ZNHIT6: variants seen among roughly 807,000 people sequenced by gnomAD.
The protein encoded by ZNHIT6 is zinc finger HIT-type containing 6.
A neutral mutation model predicts 57.2 loss-of-function variants in ZNHIT6; 45 were observed. The observed-to-expected ratio is 0.79, with a 90% CI of 0.62 to 1.01. The LOEUF is 1.01. Among genes scored for constraint, ZNHIT6 ranks in the 50% least tolerant of loss-of-function variants. ZNHIT6 has a pLI of 0.00. For synonymous variants in ZNHIT6, 188 were observed against 190.0 expected (o/e 0.99, Z 0.09); for missense variants, 528 against 567.3 (o/e 0.93, Z 0.70).
At chr1:85,702,579 T>C (rs748120681) in intron 4 of ZNHIT6, among the ~76,000 whole-genome samples, 5 of 152,196 alleles carry the variant, frequency 3.3e-5, no homozygotes, top group Non-Finnish European at 7.3e-5. Context: ...AAGAATTTAA[T>C]GGAGATTAAA....
rs1662693322 is a variant in ZNHIT6, at chr1:85,706,600, C to T, written c.657-93G>A. The T allele has an allele frequency of 3.5e-6, 4 of 1,141,758 alleles. No individual in the cohort carries two copies. The South Asian group carries it at 6.6e-5, about 19-fold the overall frequency. 70.7% of individuals were successfully genotyped at this position (1,141,758 alleles called of 1,614,324 possible). A position where few individuals can be genotyped will look rare whatever the true frequency, so the allele number is the denominator to read the frequency against. On this transcript the variant is annotated intron_variant, in intron 1 of 9. Transcript: ENST00000370574. ...CCCAATCAATTTATAAACTCAGTGA[C>T]AAGTAACTGATAAAATATTTGATAG...
intron 8 of ZNHIT6, among the ~76,000 whole-genome samples, chr1:85,669,609 A>C (rs765608659): frequency 2.0e-5 from 3 of 152,224 alleles, no homozygotes; most frequent in Admixed American, 1.3e-4. Flanking sequence ...TATCCATGAA[A>C]TCAAAGCTTA....
intron 5 of ZNHIT6, among the ~76,000 whole-genome samples, chr1:85,694,081 G>A (rs766204466): frequency 6.6e-6 from 1 of 152,196 alleles, no homozygotes; most frequent in Admixed American, 6.5e-5. Context: ...TGTCTCTAAG[G>A]AAGAGAGGAA....
At chr1:85,684,149 T>A (rs557302851) in intron 5 of ZNHIT6, among the ~76,000 whole-genome samples, 1 of 152,334 alleles carries the variant, frequency 6.6e-6, no homozygotes, top group African/African-American at 2.4e-5. Context: ...GGTATTACTA[T>A]ACCTAGTATA....
intron 5 of ZNHIT6, among the ~76,000 whole-genome samples, chr1:85,686,862 T>C (rs1235102324): frequency 6.6e-6 from 1 of 152,178 alleles, no homozygotes; most frequent in Non-Finnish European, 1.5e-5. Flanking sequence ...TTTAATAATT[T>C]ATTTCTTAAC....
At chr1:85,658,016 T>C in intron 8 of ZNHIT6, 45 bp from the exon 9 acceptor site, 1 of 1,304,288 alleles carries the variant, frequency 7.7e-7, no homozygotes, top group Non-Finnish European at 1.0e-6. Flanking sequence ...ACTCTTAATA[T>C]TCAAAATTAC....
chr1:85,688,546 C>A (rs1377908473), intron 5 of ZNHIT6, among the ~76,000 whole-genome samples: 1 of 152,190 alleles, frequency 6.6e-6, no homozygotes, highest in South Asian at 2.1e-4. Context: ...ACTTCGCAAT[C>A]GTTCCCTACC....
chr1:85,703,388 T>A (rs1662590745), intron 4 of ZNHIT6, among the ~76,000 whole-genome samples: 1 of 152,114 alleles, frequency 6.6e-6, no homozygotes, highest in South Asian at 2.1e-4. Flanking sequence ...GATAACAAGT[T>A]TCAGTAAAAA....
chr1:85,687,281 C>CAAAAAAAA (rs371192859), intron 5 of ZNHIT6, among the ~76,000 whole-genome samples: 1,981 of 33,236 alleles, frequency 0.06, 663 homozygotes, highest in Non-Finnish European at 0.069. Context: ...AAGACTATCT[C>CAAAAAAAA]AAAAAACAAA....
chr1:85,695,718 A>G (rs1359589621), intron 5 of ZNHIT6, among the ~76,000 whole-genome samples: 2 of 152,188 alleles, frequency 1.3e-5, no homozygotes, highest in African/African-American at 4.8e-5. Flanking sequence ...CTTCAGTCCA[A>G]ACTCTACTAC....
intron 7 of ZNHIT6, among the ~76,000 whole-genome samples, 159 bp from the exon 8 acceptor site, chr1:85,677,472 G>T (rs1359660161): frequency 6.6e-6 from 1 of 152,064 alleles, no homozygotes; most frequent in Non-Finnish European, 1.5e-5. Context: ...AATCTGAAAA[G>T]AAAATAATTT....
At chr1:85,696,822 T>A (rs555700729) in intron 5 of ZNHIT6, among the ~76,000 whole-genome samples, 2 of 151,870 alleles carry the variant, frequency 1.3e-5, no homozygotes, top group African/African-American at 4.8e-5. Context: ...ATACCATGTA[T>A]GTACACATAT....
chr1:85,696,841 G>C (rs559487081), intron 5 of ZNHIT6, among the ~76,000 whole-genome samples: 3 of 147,438 alleles, frequency 2.0e-5, no homozygotes, highest in Non-Finnish European at 4.5e-5. Context: ...ATCTTTCTAT[G>C]ACCATCTATT....
chr1:85,694,156 C>A (rs991145540), intron 5 of ZNHIT6, among the ~76,000 whole-genome samples: 2 of 152,124 alleles, frequency 1.3e-5, no homozygotes, highest in African/African-American at 2.4e-5. Context: ...CTGGATTATA[C>A]AGGTGCATGT....
intron 5 of ZNHIT6, 76 bp downstream of exon 5, chr1:85,702,081 T>C (rs974069073): frequency 7.2e-6 from 7 of 967,482 alleles, no homozygotes; most frequent in Non-Finnish European, 1.1e-5. Flanking sequence ...GTAGCAATGC[T>C]CTATAGCAAC....
At chr1:85,667,961 A>AAAAAAAAAAAAAAAAAATAT in intron 8 of ZNHIT6, among the ~76,000 whole-genome samples, 40 of 18,166 alleles carry the variant, frequency 2.2e-3, no homozygotes, top group East Asian at 0.014. Flanking sequence ...AAAAAAAAAA[A>AAAAAAAAAAAAAAAAAATAT]ATATATATAT....
At chr1:85,688,641 A>G (rs1261165166) in intron 5 of ZNHIT6, among the ~76,000 whole-genome samples, 1 of 152,208 alleles carries the variant, frequency 6.6e-6, no homozygotes, top group African/African-American at 2.4e-5. Flanking sequence ...ATTATGACTT[A>G]AGAAAATCAA....
At chr1:85,661,954 G>C (rs1159522928) in intron 8 of ZNHIT6, among the ~76,000 whole-genome samples, 2 of 152,094 alleles carry the variant, frequency 1.3e-5, no homozygotes, top group Non-Finnish European at 2.9e-5. Context: ...GGCTGACCCT[G>C]CTCTGGGCAG....
chr1:85,699,956 G>A (rs562618284), intron 5 of ZNHIT6, among the ~76,000 whole-genome samples: 1 of 152,122 alleles, frequency 6.6e-6, no homozygotes, highest in South Asian at 2.1e-4. Context: ...CTAGCTGCAG[G>A]AAAAAAGGAG....
Sources: gnomAD v4.1 joint callset for allele counts (sites outside exome capture counted in the v4.1 genomes callset) on GRCh38, gnomAD v4.1.1 for gene constraint, MANE v1.5 for transcripts, NCBI Gene and HGNC (gene_info 2026-07-23, HGNC 2026-07-21) for gene names.